ZNF385D: variants seen among roughly 807,000 people sequenced by gnomAD.
ZNF385D encodes zinc finger protein 385D, also known as zinc finger protein 659.
A neutral mutation model predicts 35.8 loss-of-function variants in ZNF385D; 15 were observed. That is an observed-to-expected ratio of 0.42 (90% CI 0.28 to 0.64). ZNF385D has a LOEUF of 0.64. ZNF385D is among the 30% of genes least tolerant of loss of function. The pLI is 0.23. For synonymous variants in ZNF385D, 212 were observed against 186.8 expected, an observed-to-expected ratio of 1.13 and a Z score of -1.10; for missense variants, 474 against 494.6, an observed-to-expected ratio of 0.96 and a Z score of 0.39.
chr3:22,058,645 C>A (rs577720942), intron 3 of ZNF385D, among the ~76,000 whole-genome samples: 1 of 151,966 alleles, frequency 6.6e-6, no homozygotes, highest in Non-Finnish European at 1.5e-5. Context: ...TTATTGATGC[C>A]TAAATGAAAA....
intron 3 of ZNF385D, among the ~76,000 whole-genome samples, chr3:22,037,055 G>C (rs148903577): frequency 6.6e-6 from 1 of 151,850 alleles, no homozygotes; most frequent in Non-Finnish European, 1.5e-5. Context: ...CATTTTTTAT[G>C]GCTGCATAGT....
intron 2 of ZNF385D, among the ~76,000 whole-genome samples, chr3:22,243,796 G>A (rs576284714): frequency 4.6e-5 from 7 of 150,894 alleles, no homozygotes; most frequent in African/African-American, 1.7e-4. Context: ...AAGTTGGTTT[G>A]GAGGTGAGAG....
At chr3:22,195,874 G>T (rs1274033716) in intron 2 of ZNF385D, among the ~76,000 whole-genome samples, 3 of 151,966 alleles carry the variant, frequency 2.0e-5, no homozygotes, top group Non-Finnish European at 4.4e-5. Context: ...TCTTTGCAGG[G>T]ACGTGGATGG....
chr3:21,867,834 G>A (rs1289179901), intron 3 of ZNF385D, among the ~76,000 whole-genome samples: 1 of 151,912 alleles, frequency 6.6e-6, no homozygotes, highest in Non-Finnish European at 1.5e-5. Context: ...TGATAGAAAT[G>A]TTCTCTATCT....
upstream of ZNF385D, among the ~76,000 whole-genome samples, chr3:21,753,208 C>T (rs1011133548): frequency 2.0e-5 from 3 of 152,126 alleles, no homozygotes; most frequent in African/African-American, 7.2e-5. Context: ...ACCTGAGGCT[C>T]AGAGATGTTA....
intron 3 of ZNF385D, among the ~76,000 whole-genome samples, chr3:22,094,138 A>G (rs1701475296): frequency 6.6e-6 from 1 of 151,862 alleles, no homozygotes; most frequent in Admixed American, 6.6e-5. Flanking sequence ...CATTGCTTTA[A>G]TGTCTTCCGG....
At chr3:22,033,203 A>C (rs1473703733) in intron 3 of ZNF385D, among the ~76,000 whole-genome samples, 4 of 151,882 alleles carry the variant, frequency 2.6e-5, no homozygotes, top group African/African-American at 9.7e-5. Flanking sequence ...GGCATTCGAG[A>C]CCAAACGGGA....
chr3:21,594,274 A>T (rs529379798), intron 2 of ZNF385D, among the ~76,000 whole-genome samples: 6 of 152,138 alleles, frequency 3.9e-5, no homozygotes, highest in Admixed American at 6.5e-5. Context: ...ATGGTTGTAG[A>T]GCTAGCTAAT....
rs564369831 is a variant in ZNF385D at position 21,916,056 on chromosome 3, G to C, written c.326-251028C>G. The stretch of plus-strand genomic sequence containing the variant: ...TTTTAAAAGATATATGTCAAATCTT[G>C]TACTCCAAAATGAAAAAGGACTCCT... On this transcript the variant is annotated intron_variant, in intron 3 of 5. Transcript: ENST00000494108. 5.9e-5 allele frequency among the ~76,000 whole-genome samples: 9 copies of C among 152,152 alleles called. No individual in the cohort carries two copies. The East Asian group carries it at 1.7e-3, about 29-fold the overall frequency.
intron 3 of ZNF385D, among the ~76,000 whole-genome samples, chr3:21,997,149 C>T (rs560420399): frequency 3.0e-4 from 46 of 151,892 alleles, no homozygotes; most frequent in Non-Finnish European, 2.4e-4. Flanking sequence ...ACATATAAAC[C>T]ATGGAATACT....
intron 2 of ZNF385D, among the ~76,000 whole-genome samples, chr3:22,323,605 T>C (rs2125448856): frequency 6.6e-6 from 1 of 152,268 alleles, no homozygotes; most frequent in African/African-American, 2.4e-5. Context: ...ATGGAAGTAG[T>C]ACTACACATT....
chr3:22,287,176 C>G (rs1702068804), intron 2 of ZNF385D, among the ~76,000 whole-genome samples: 3 of 151,884 alleles, frequency 2.0e-5, no homozygotes, highest in South Asian at 2.1e-4. Context: ...CTTACGTTGT[C>G]TAATATAAGT....
At chr3:22,203,590 T>A (rs551319595) in intron 2 of ZNF385D, among the ~76,000 whole-genome samples, 1 of 152,176 alleles carries the variant, frequency 6.6e-6, no homozygotes, top group African/African-American at 2.4e-5. Context: ...TGGATGGCAT[T>A]TGTGGACCCA....
At chr3:21,818,988 T>C (rs1329212579) in intron 3 of ZNF385D, among the ~76,000 whole-genome samples, 1 of 151,904 alleles carries the variant, frequency 6.6e-6, no homozygotes, top group Non-Finnish European at 1.5e-5. Flanking sequence ...AAAAGTAAAA[T>C]TATGGTAGAA....
At chr3:22,331,298 A>G (rs975299849) in intron 2 of ZNF385D, among the ~76,000 whole-genome samples, 1 of 152,192 alleles carries the variant, frequency 6.6e-6, no homozygotes, top group Non-Finnish European at 1.5e-5. Flanking sequence ...ATACATGAAA[A>G]TTTAGAATAC....
intron 3 of ZNF385D, among the ~76,000 whole-genome samples, chr3:21,765,231 AG>A (rs988124837): frequency 3.3e-5 from 5 of 152,036 alleles, no homozygotes; most frequent in Non-Finnish European, 5.9e-5. Flanking sequence ...AGAGAGAGAG[AG>A]AGAGAGCATT....
At chr3:21,709,349 G>T (rs1315921946) in intron 1 of ZNF385D, among the ~76,000 whole-genome samples, 1 of 152,088 alleles carries the variant, frequency 6.6e-6, no homozygotes, top group Admixed American at 6.6e-5. Context: ...AGCCAGAGTT[G>T]TCTGTACCTG....
At chr3:21,978,090 A>C (rs1299156661) in intron 3 of ZNF385D, 1 of 151,770 alleles carries the variant, frequency 6.6e-6, no homozygotes, top group Non-Finnish European at 1.5e-5. Context: ...TTCCAGATAG[A>C]GAAATACTTA....
rs140486672 is a variant in ZNF385D at position 21,814,536 on chromosome 3, G to C, written c.326-149508C>G. On this transcript the variant is annotated intron_variant, in intron 3 of 5. Coordinates refer to the ZNF385D transcript ENST00000494108. ...AAAAAAAGCAGGGGTGGCAATCCTA[G>C]TCTCTGATAAAACAGACTTTAAACC... Among the ~76,000 whole-genome samples, 1,380 of 152,238 alleles carry C rather than the reference G, an allele frequency of 9.1e-3. 20 individuals are homozygous for C. Among genetic ancestry groups the C allele is most frequent in the African/African-American group, 0.031 (1,307 of 41,520 alleles).
Sources: allele counts gnomAD v4.1 joint callset (sites outside exome capture counted in the v4.1 genomes callset), GRCh38; gene constraint gnomAD v4.1.1; transcripts MANE v1.5; gene names NCBI Gene and HGNC (gene_info 2026-07-23, HGNC 2026-07-21).